Variants in ARHGAP33 observed in about 807,000 individuals in gnomAD.
ARHGAP33 encodes the protein rho GTPase-activating protein 33.
ARHGAP33 carries 57 observed loss-of-function variants against 126.2 expected under a neutral mutation model. That is an observed-to-expected ratio of 0.45 (90% CI 0.36 to 0.56). The LOEUF (loss-of-function observed/expected upper bound fraction) is 0.56, where lower values mean the gene tolerates loss of function less well. ARHGAP33 is among the 20% of genes least tolerant of loss of function. The pLI, the probability that ARHGAP33 is intolerant of heterozygous loss-of-function variation, is 0.00. For missense variants in ARHGAP33, 1,500 were observed against 1,748.3 expected (o/e 0.86, Z 2.53); for synonymous variants, 711 against 755.0 (o/e 0.94, Z 0.95).
intron 1 of ARHGAP33, 93 bp from the exon 2 acceptor site, chr19:35,777,552 C>A: frequency 9.5e-7 from 1 of 1,054,282 alleles, no homozygotes; most frequent in East Asian, 2.6e-5. Flanking sequence ...GTGTGGAGCG[C>A]CCGGGGCTCT....
At position 35,786,049 on chromosome 19, in the gene ARHGAP33, G is replaced by A; in HGVS notation, c.1943-364G>A. ...GTGCTGCTCTCCGACCTCTGCGGGG[G>A]GCTGCTTATCCACCCCACCCAGCCG... On this transcript the variant is annotated intron_variant, in intron 19 of 20. Coordinates refer to ENST00000007510, the MANE Select transcript of ARHGAP33 (RefSeq NM_001366178.1). This position sits in a 1 kb window ranked among gnomAD's most constrained non-coding sequence, Gnocchi z 7.0. 5 of 1,163,840 alleles carry A rather than the reference G, an allele frequency of 4.3e-6. No homozygotes were observed. The highest frequency in any genetic ancestry group is 5.3e-6 in the Non-Finnish European group (5 of 941,962). The allele number at this position is 1,163,840 out of a possible 1,614,324, so 72.1% of individuals were successfully genotyped here. A position where few individuals can be genotyped will look rare whatever the true frequency, so the allele number is the denominator to read the frequency against.
At position 35,787,318 on chromosome 19, in the gene ARHGAP33, A is replaced by T. The variant is rs761515113; in HGVS notation, c.2753A>T (p.Gln918Leu). The stretch of plus-strand genomic sequence containing the variant: ...CAGGTGGCCGAGCAACAGAGCCAGC[A>T]GGAGTGTGGGGGCACCCCACCTGCT... ...AQQVAEQQSQ[Q>L]ECGGTPPASQ... Residue 918 changes from glutamine (Q) to leucine (L), a missense_variant, in exon 21 of 21, where the codon CAG (glutamine) becomes CTG (leucine). By Grantham distance (113) the Gln-to-Leu change is moderately radical. Around this residue, in one of 6 missense-constraint regions of ARHGAP33, gnomAD observed 642 missense variants for 634.0 expected, o/e 1.01. Transcript: ENST00000007510. 3 of 1,612,374 alleles carry T rather than the reference A, an allele frequency of 1.9e-6. No individual in the cohort carries two copies. Among genetic ancestry groups the T allele is most frequent in the Admixed American group, 3.3e-5 (2 of 59,910 alleles).
In ARHGAP33 at chr19:35,787,487, A is replaced by G. The variant is rs752843452; in HGVS notation, c.2922A>G (p.Gln974=). Reference sequence around the variant, plus strand: ...CCCCACCCTACTTACCAAGGCAACAAAGTGATGGGAGCCTGCTGAGGAGCC... The same window carrying G: ...CCCCACCCTACTTACCAAGGCAACAGAGTGATGGGAGCCTGCTGAGGAGCC... The part of the protein sequence containing the change: ...PGPPPYLPRQ[Q]SDGSLLRSQR... The change falls in exon 21 of 21, where the codon CAA becomes CAG. Residue 974 remains glutamine (Q), a synonymous_variant. Transcript: ENST00000007510. 2 of 1,612,278 alleles carry G rather than the reference A, an allele frequency of 1.2e-6. No homozygotes were observed. The highest frequency in any genetic ancestry group is 3.3e-5 in the Admixed American group (2 of 59,986).
chr19:35,781,637 G>T (rs1971785129), intron 12 of ARHGAP33, among the ~76,000 whole-genome samples: 1 of 152,180 alleles, frequency 6.6e-6, no homozygotes, highest in Non-Finnish European at 1.5e-5. Flanking sequence ...CAAGAGGGAG[G>T]CCTGCAGTTT....
chr19:35,775,722 A>AGCCCCGCCCCGCGCGCCCCGCCCCCG, intron 1 of ARHGAP33, 58 bp downstream of exon 1: 2 of 1,461,206 alleles, frequency 1.4e-6, no homozygotes, highest in Non-Finnish European at 1.8e-6. Context: ...GTCCGTGCGC[A>AGCCCCGCCCCGCGCGCCCCGCCCCCG]GCCCCGCCCC....
chr19:35,779,867 C>A (rs764243249), intron 6 of ARHGAP33: 8 of 480,392 alleles, frequency 1.7e-5, no homozygotes, highest in South Asian at 1.2e-4. Context: ...TGCCACCACG[C>A]CCAGCACAGA....
intron 4 of ARHGAP33, 27 bp downstream of exon 4, chr19:35,778,387 C>T: frequency 6.2e-7 from 1 of 1,614,048 alleles, no homozygotes; most frequent in South Asian, 1.1e-5. Flanking sequence ...TCTCATCTAG[C>T]CTGAGAGAAT....
At position 35,786,640 on chromosome 19, in the gene ARHGAP33, C is replaced by A; in HGVS notation, c.2170C>A (p.Leu724Met). The A allele has an allele frequency of 6.5e-7, 1 of 1,535,890 alleles. No individual in the cohort carries two copies. The highest frequency in any genetic ancestry group is 8.7e-7 in the Non-Finnish European group (1 of 1,146,808). The part of the protein sequence containing the change: ...TSAWLDDGDE[L>M]DFSPPRCLEG... The stretch of plus-strand genomic sequence containing the variant: ...AGCCTGGCTAGATGATGGTGATGAG[C>A]TGGACTTCAGCCCACCCCGCTGCCT... The change falls in exon 20 of 21, where the codon CTG becomes ATG. Residue 724 changes from leucine to methionine, a missense_variant. By Grantham distance (15) the Leu-to-Met change is conservative. Coordinates refer to ENST00000007510, the MANE Select transcript of ARHGAP33 (RefSeq NM_001366178.1). The surrounding 1 kb of genome is among the most constrained non-coding windows in gnomAD (Gnocchi z 7.0).
rs771324898 is a variant in ARHGAP33, at chr19:35,779,195, G to GGT, written c.501+81_501+82dup. ...TGTCTGAGGGGCGAGAAGCAGCCTC[G>GGT]GTGTGTGTGTGGGCATAGAAAAGAA... is the stretch of plus-strand genomic sequence containing the variant. On this transcript the variant is annotated intron_variant, in intron 6 of 20. Transcript: ENST00000007510. 2.5e-4 allele frequency: 307 copies of GGT among 1,241,960 alleles called. 9 individuals are homozygous for GGT. The South Asian group carries it at 3.9e-3, about 16-fold the overall frequency. The allele number at this position is 1,241,960 out of a possible 1,614,324, so 76.9% of individuals were successfully genotyped here. A position where few individuals can be genotyped will look rare whatever the true frequency, so the allele number is the denominator to read the frequency against.
At position 35,782,726 on chromosome 19, in the gene ARHGAP33, T is replaced by A; in HGVS notation, c.1314-36T>A. The A allele has an allele frequency of 6.2e-7, 1 of 1,610,694 alleles. No homozygotes were observed. Among genetic ancestry groups the A allele is most frequent in the Non-Finnish European group, 8.5e-7 (1 of 1,178,422 alleles). On this transcript the variant is annotated intron_variant, in intron 14 of 20. Coordinates refer to ENST00000007510, the MANE Select transcript of ARHGAP33 (RefSeq NM_001366178.1). This position sits in a 1 kb window ranked among gnomAD's most constrained non-coding sequence, Gnocchi z 4.1. Reference sequence around the variant, plus strand: ...GGGACTTGGTGGGATTCCAAGGGGGTTGAGGCTCAGGTGCCCCCTCTGCTC... The same window carrying A: ...GGGACTTGGTGGGATTCCAAGGGGGATGAGGCTCAGGTGCCCCCTCTGCTC...
rs1394549124 is a variant in ARHGAP33 at position 35,782,869 on chromosome 19, G to A, written c.1421G>A (p.Arg474Gln). The change falls in exon 15 of 21, where the codon CGG becomes CAG. Residue 474 changes from arginine (R) to glutamine (Q), a missense_variant and splice_region_variant. Arg to Gln is a conservative substitution (Grantham distance 43). Around this residue, in one of 6 missense-constraint regions of ARHGAP33, gnomAD observed 281 missense variants for 413.7 expected, o/e 0.68. Coordinates refer to ENST00000007510, the MANE Select transcript of ARHGAP33 (RefSeq NM_001366178.1). This position sits in a 1 kb window ranked among gnomAD's most constrained non-coding sequence, Gnocchi z 4.1. The stretch of plus-strand genomic sequence containing the variant: ...ATTGTCTGGGCACCCAACCTGCTAC[G>A]GTGAGCTGCTTGCTCGCCTGCCTGC... ...LAIVWAPNLL[R>Q]SMELESVGMG... 1.9e-6 allele frequency: 3 copies of A among 1,609,238 alleles called. No homozygotes were observed. The highest frequency in any genetic ancestry group is 1.7e-5 in the Admixed American group (1 of 59,468).
At chr19:35,781,684 T>C (rs1477622985) in intron 12 of ARHGAP33, among the ~76,000 whole-genome samples, 1 of 151,476 alleles carries the variant, frequency 6.6e-6, no homozygotes, top group Admixed American at 6.6e-5. Context: ...TGCGAGGGTC[T>C]GGAGGAGGGG....
At chr19:35,778,954 C>T (rs909353570) in intron 5 of ARHGAP33, 78 bp from the exon 6 acceptor site, 28 of 1,221,858 alleles carry the variant, frequency 2.3e-5, no homozygotes, top group East Asian at 5.1e-5. Context: ...AGCCCAGAGA[C>T]GAGCTAGGGC....
rs757919331 is a variant in ARHGAP33, at chr19:35,782,511, G to A, written c.1224G>A (p.Lys408=). ...TGCTCACCTACCAGCTCTATGGGAA[G>A]TTCAGTGTGAGTAAGGGAGCTGGCG... ...NPLLTYQLYG[K]FSEAMSVPGE... Residue 408 remains lysine, a synonymous_variant, in exon 13 of 21, where the codon AAG becomes AAA. Coordinates refer to ENST00000007510, the MANE Select transcript of ARHGAP33 (RefSeq NM_001366178.1). The surrounding 1 kb of genome is among the most constrained non-coding windows in gnomAD (Gnocchi z 4.1). 10 of 1,613,264 alleles carry A rather than the reference G, an allele frequency of 6.2e-6. No individual in the cohort carries two copies. In the South Asian group the frequency reaches 9.9e-5, roughly 16 times the overall value.
chr19:35,778,274 C>T lies in ARHGAP33; in HGVS notation c.190-6C>T. 6.2e-7 allele frequency: 1 copy of T among 1,614,150 alleles called. No homozygotes were observed. Among genetic ancestry groups the T allele is most frequent in the South Asian group, 1.1e-5 (1 of 91,088 alleles). On this transcript the variant is annotated splice_polypyrimidine_tract_variant and splice_region_variant and intron_variant, in intron 3 of 20. Coordinates refer to ENST00000007510, the MANE Select transcript of ARHGAP33 (RefSeq NM_001366178.1). ...AGTCCACCTGGGCCTTGCTTTCCCT[C>T]TGCAGCTCCTGCTGTCTCCAGACCG...
Position 35,778,575 on chromosome 19 carries a change from C to T in ARHGAP33, c.382C>T (p.Pro128Ser), listed in dbSNP as rs2146686856. 3 of 1,613,786 alleles carry T rather than the reference C, an allele frequency of 1.9e-6. No homozygotes were observed. Among genetic ancestry groups the T allele is most frequent in the East Asian group, 4.5e-5 (2 of 44,872 alleles). The change falls in exon 5 of 21, where the codon CCC becomes TCC. Residue 128 changes from proline to serine, a missense_variant. Pro to Ser is a moderately conservative substitution (Grantham distance 74). This residue lies in a region of ARHGAP33 where 75 missense variants were observed against 152.7 expected (regional missense o/e 0.49). Transcript: ENST00000007510. ...RFSCLPELPP[P>S]PEGARAAQML... ...CTCCTGCCTTCCGGAGCTTCCCCCG[C>T]CCCCCGAGGGTGCCAGGGCTGCCCA...
intron 1 of ARHGAP33, 114 bp from the exon 2 acceptor site, chr19:35,777,531 C>A: frequency 1.2e-6 from 1 of 809,586 alleles, no homozygotes; most frequent in Non-Finnish European, 2.1e-6. Context: ...CTGCTTCATG[C>A]TCAGGGCGGT....
chr19:35,785,901 T>A, intron 19 of ARHGAP33: 1 of 1,096,110 alleles, frequency 9.1e-7, no homozygotes, highest in Non-Finnish European at 1.1e-6. Flanking sequence ...GTAAGGATCA[T>A]ACTGCTCAGT....
intron 1 of ARHGAP33, 83 bp downstream of exon 1, chr19:35,775,747 C>G (rs1304758640): frequency 2.2e-6 from 3 of 1,351,154 alleles, no homozygotes; most frequent in Admixed American, 2.7e-5. Flanking sequence ...GCCCCGCCCC[C>G]GGCCCCGCCC....
Sources: allele counts gnomAD v4.1 joint callset (sites outside exome capture counted in the v4.1 genomes callset), GRCh38; gene constraint gnomAD v4.1.1; regional missense constraint gnomAD v4.1.1; non-coding constraint Gnocchi (gnomAD v3.1); transcripts MANE v1.5; gene names NCBI Gene and HGNC (gene_info 2026-07-23, HGNC 2026-07-21).